The following WDR11 variants were observed in gnomAD, a reference collection of about 807,000 sequenced individuals.
WDR11 encodes the protein WD repeat-containing protein 11.
A neutral mutation model predicts 151.2 loss-of-function variants in WDR11; 83 were observed. The observed-to-expected ratio is 0.55, with a 90% confidence interval of 0.46 to 0.66. The LOEUF is 0.66. Ranked by LOEUF, WDR11 falls within the 30% of genes least tolerant of loss-of-function variation. The pLI, the probability that WDR11 is intolerant of heterozygous loss-of-function variation, is 0.00. For missense variants in WDR11, 1,301 were observed against 1,480.9 expected (o/e 0.88, Z 1.99); for synonymous variants, 484 against 533.1 (o/e 0.91, Z 1.27).
rs565652150 is a variant in WDR11 at position 120,908,783 on chromosome 10, C to T, written c.*70C>T. 629 of 1,557,276 alleles carry T rather than the reference C, an allele frequency of 4.0e-4. 7 individuals carry two copies. In the South Asian group the frequency reaches 5.9e-3, roughly 15 times the overall value. ...AGGGGGCTGGTCTGGCTGTGGCCACCGTCACAGTCCAGGATGAAGAGGAGT... is the reference window on the plus strand; with the variant it reads ...AGGGGGCTGGTCTGGCTGTGGCCACTGTCACAGTCCAGGATGAAGAGGAGT... On this transcript the variant is annotated 3_prime_UTR_variant, in exon 29 of 29. Coordinates refer to ENST00000263461, the MANE Select transcript of WDR11 (RefSeq NM_018117.12).
In WDR11 at chr10:120,871,183, T is replaced by C. The variant is rs373472371; in HGVS notation, c.1308T>C (p.Ile436=). ...ATTACAAATCAGGGCAAAGTGCAAT[T>C]GCTGGGGAAGAACATCCCAGAGGTT... is the stretch of plus-strand genomic sequence containing the variant. ...SLDNMIGQSA[I]AGEEHPRGSI... Residue 436 remains isoleucine (I), a synonymous_variant, in exon 10 of 29, where the codon ATT becomes ATC. Coordinates refer to ENST00000263461, the MANE Select transcript of WDR11 (RefSeq NM_018117.12). The C allele has an allele frequency of 4.3e-6, 7 of 1,614,074 alleles. No homozygotes were observed. The highest frequency in any genetic ancestry group is 5.1e-6 in the Non-Finnish European group (6 of 1,180,024).
chr10:120,860,962 G>A (rs559898029), intron 4 of WDR11, among the ~76,000 whole-genome samples: 47 of 152,322 alleles, frequency 3.1e-4, no homozygotes, highest in African/African-American at 1.1e-3. Context: ...CTAGTGAGAA[G>A]AAGTCATATC....
At chr10:120,864,287 T>C (rs1184064029) in intron 5 of WDR11, among the ~76,000 whole-genome samples, 1 of 152,216 alleles carries the variant, frequency 6.6e-6, no homozygotes, top group Non-Finnish European at 1.5e-5. Flanking sequence ...ACTAACTTTA[T>C]TTTAAATTTC....
intron 5 of WDR11, 128 bp from the exon 6 acceptor site, chr10:120,864,919 T>C: frequency 9.4e-7 from 1 of 1,061,656 alleles, no homozygotes; most frequent in East Asian, 2.5e-5. Context: ...CCAACCCATG[T>C]TGGTCACTTC....
chr10:120,880,846 G>A lies in WDR11; in HGVS notation c.1684G>A (p.Gly562Ser). ...TAAAGGTAGGAGCATTGCTTTTCGT[G>A]GTGAAAGAGGCAATGATGAATCTGC... ...LPTGRSIAFR[G>S]ERGNDESAIE... Residue 562 changes from glycine (G) to serine (S), a missense_variant, in exon 13 of 29, where the codon GGT becomes AGT. By Grantham distance (56) the Gly-to-Ser change is moderately conservative. Transcript: ENST00000263461. 2 of 1,605,160 alleles carry A rather than the reference G, an allele frequency of 1.2e-6. No homozygotes were observed. The highest frequency in any genetic ancestry group is 8.5e-7 in the Non-Finnish European group (1 of 1,174,466).
rs1322591875 is a variant in WDR11 at position 120,862,917 on chromosome 10, C to G, written c.709C>G (p.Pro237Ala). 1.2e-6 allele frequency: 2 copies of G among 1,602,600 alleles called. No individual in the cohort carries two copies. The highest frequency in any genetic ancestry group is 2.7e-5 in the African/African-American group (2 of 74,604). ...AAAAATTTTAATCACTCAAGAGAAA[C>G]CTAGGTAAGTTACAAGTGTAAAATT... ...KVKILITQEK[P>A]SAEFITLNDC... is the part of the protein sequence containing the mutation. The change falls in exon 5 of 29, where the codon CCT becomes GCT. Residue 237 changes from proline (P) to alanine (A), a missense_variant. Physicochemically the swap from Pro to Ala is conservative, Grantham distance 27. This residue lies in a region of WDR11 where 692 missense variants were observed against 762.5 expected (regional missense o/e 0.91). Coordinates refer to ENST00000263461, the MANE Select transcript of WDR11 (RefSeq NM_018117.12).
intron 6 of WDR11, 57 bp downstream of exon 6, chr10:120,865,269 G>C: frequency 6.4e-7 from 1 of 1,550,816 alleles, no homozygotes; most frequent in African/African-American, 1.4e-5. Flanking sequence ...TATATTAAAA[G>C]AAGGCCATAA....
intron 19 of WDR11, among the ~76,000 whole-genome samples, chr10:120,896,912 A>G (rs1045498027): frequency 6.6e-6 from 1 of 152,204 alleles, no homozygotes; most frequent in African/African-American, 2.4e-5. Flanking sequence ...GTGAGCGCAC[A>G]TAGCACCCAG....
chr10:120,872,189 G>C (rs758879818), intron 10 of WDR11, among the ~76,000 whole-genome samples: 1 of 152,096 alleles, frequency 6.6e-6, no homozygotes, highest in Non-Finnish European at 1.5e-5. Flanking sequence ...GGGTATTACT[G>C]TTTGGTAGTA....
In WDR11 at chr10:120,909,041, C is replaced by CATTG. The variant is rs531964484; in HGVS notation, c.*332_*335dup. Reference sequence around the variant, plus strand: ...ATTCAAGAGACTGAATCACTTTTCTCATTGATTAAATGTAAAGATTATTGA... The same window carrying CATTG: ...ATTCAAGAGACTGAATCACTTTTCTCATTGATTGATTAAATGTAAAGATTATTGA... On this transcript the variant is annotated 3_prime_UTR_variant, in exon 29 of 29. Transcript: ENST00000263461. 1.2e-3 allele frequency: 380 copies of CATTG among 326,314 alleles called. 2 individuals carry two copies. The highest frequency in any genetic ancestry group is 6.7e-3 in the African/African-American group (318 of 47,326). The allele number at this position is 326,314 out of a possible 1,614,324, so 20.2% of individuals were successfully genotyped here.
intron 22 of WDR11, 82 bp downstream of exon 22, chr10:120,902,404 C>G: frequency 7.9e-7 from 1 of 1,260,750 alleles, no homozygotes; most frequent in Non-Finnish European, 1.1e-6. Flanking sequence ...GTTAGAAACA[C>G]TTAGATTTTA....
chr10:120,858,133 AT>A (rs34379642), intron 2 of WDR11, among the ~76,000 whole-genome samples: 45,793 of 149,190 alleles, frequency 0.31, 8,377 homozygotes, highest in African/African-American at 0.52. Flanking sequence ...GGCATGAAGC[AT>A]TTTTTTTTTT....
chr10:120,889,205 CTTG>C, intron 17 of WDR11, 21 bp downstream of exon 17: 1 of 1,485,624 alleles, frequency 6.7e-7, no homozygotes, highest in African/African-American at 1.4e-5. Context: ...AGAATGAAAT[CTTG>C]TTATTTCATT....
At chr10:120,872,367 G>T (rs902808303) in intron 10 of WDR11, among the ~76,000 whole-genome samples, 1 of 152,156 alleles carries the variant, frequency 6.6e-6, no homozygotes, top group African/African-American at 2.4e-5. Context: ...GGATTCATCA[G>T]TGTGCTTCAT....
chr10:120,886,643 TA>T, intron 15 of WDR11, 45 bp from the exon 16 acceptor site: 3 of 1,580,686 alleles, frequency 1.9e-6, no homozygotes, highest in Non-Finnish European at 2.6e-6. Context: ...AGTATCACTC[TA>T]GGGGAAAAAA....
rs770022930 is a variant in WDR11 at position 120,886,792 on chromosome 10, G to C, written c.2077G>C (p.Val693Leu). ...DIDGQVYHLT[V>L]EGNSVKDSAR... ...TGATGGCCAAGTGTATCATCTCACT[G>C]TTGAAGGAAACTCAGTAAAAGACAG... The change falls in exon 16 of 29, where the codon GTT becomes CTT. Residue 693 changes from valine (V) to leucine (L), a missense_variant. Physicochemically the swap from Val to Leu is conservative, Grantham distance 32. Transcript: ENST00000263461. 8.1e-6 allele frequency: 13 copies of C among 1,613,958 alleles called. No individual in the cohort carries two copies. Among genetic ancestry groups the C allele is most frequent in the Non-Finnish European group, 1.1e-5 (13 of 1,180,000 alleles).
At chr10:120,873,181 A>G (rs924388884) in intron 10 of WDR11, among the ~76,000 whole-genome samples, 8 of 152,210 alleles carry the variant, frequency 5.3e-5, no homozygotes, top group East Asian at 1.9e-4. Context: ...CTTTGTGCCA[A>G]TTACTGTGCT....
chr10:120,898,543 G>C (rs1409880855), intron 19 of WDR11, among the ~76,000 whole-genome samples: 1 of 152,132 alleles, frequency 6.6e-6, no homozygotes, highest in Non-Finnish European at 1.5e-5. Context: ...TTGGCTCTGT[G>C]TCTCCACCCA....
intron 4 of WDR11, among the ~76,000 whole-genome samples, chr10:120,861,061 A>G (rs1312032097): frequency 1.3e-5 from 2 of 152,186 alleles, no homozygotes; most frequent in African/African-American, 2.4e-5. Flanking sequence ...ATGCAGAAGA[A>G]TGGGGGATGA....
Sources: allele counts gnomAD v4.1 joint callset (sites outside exome capture counted in the v4.1 genomes callset), GRCh38; gene constraint gnomAD v4.1.1; regional missense constraint gnomAD v4.1.1; transcripts MANE v1.5; gene names NCBI Gene and HGNC (gene_info 2026-07-23, HGNC 2026-07-21).